SEMA6D: variants seen among roughly 807,000 people sequenced by gnomAD.
SEMA6D encodes the protein semaphorin 6D, also known as semaphorin-6D.
Under a neutral mutation model 106.6 loss-of-function variants are expected in SEMA6D, and 35 were observed. The ratio of observed to expected loss-of-function variants is 0.33; its 90% CI spans 0.25 to 0.44. The LOEUF (loss-of-function observed/expected upper bound fraction) is 0.44. Ranked by LOEUF, SEMA6D falls within the 20% of genes least tolerant of loss-of-function variation. The pLI, the probability that SEMA6D is intolerant of heterozygous loss-of-function variation, is 1.00. For synonymous variants in SEMA6D, 499 were observed against 487.7 expected (o/e 1.02, Z -0.31); for missense variants, 1,185 against 1,345.9 (o/e 0.88, Z 1.87).
intron 1 of SEMA6D, chr15:47,399,577 A>G (rs144106736): frequency 6.6e-6 from 1 of 152,374 alleles, no homozygotes; most frequent in East Asian, 1.9e-4. Context: ...GTGGCTTAAG[A>G]ATATGACCTT....
chr15:47,390,591 G>C (rs1052978560), intron 1 of SEMA6D, among the ~76,000 whole-genome samples: 1 of 140,338 alleles, frequency 7.1e-6, no homozygotes, highest in African/African-American at 2.9e-5. Context: ...TTTGTTTTCA[G>C]TTCTTCAAAC....
intron 1 of SEMA6D, among the ~76,000 whole-genome samples, chr15:47,366,045 A>G (rs916379277): frequency 1.1e-4 from 17 of 152,352 alleles, no homozygotes; most frequent in Non-Finnish European, 2.1e-4. Context: ...TGGGTCAGTT[A>G]TGAACTGACC....
chr15:47,354,801 C>G (rs587939), intron 1 of SEMA6D, among the ~76,000 whole-genome samples: 79,094 of 151,696 alleles, frequency 0.52, 23,938 homozygotes, highest in African/African-American at 0.85. Context: ...TCCACACTGT[C>G]TCTCCATTGC....
intron 2 of SEMA6D, among the ~76,000 whole-genome samples, chr15:47,437,387 G>T (rs943654918): frequency 7.9e-5 from 12 of 152,092 alleles, no homozygotes; most frequent in African/African-American, 2.9e-4. Flanking sequence ...ACTGTTAAAT[G>T]AATGAATGTA....
At chr15:47,382,229 C>G (rs2039664064) in intron 1 of SEMA6D, among the ~76,000 whole-genome samples, 2 of 152,164 alleles carry the variant, frequency 1.3e-5, no homozygotes, top group South Asian at 4.1e-4. Flanking sequence ...GGGATCACTA[C>G]TGGGTGCGGT....
chr15:47,261,327 C>G (rs1478069354), intron 1 of SEMA6D, among the ~76,000 whole-genome samples: 1 of 152,154 alleles, frequency 6.6e-6, no homozygotes, highest in South Asian at 2.1e-4. Context: ...GTGAATATTA[C>G]TAAAAATTAT....
intron 1 of SEMA6D, among the ~76,000 whole-genome samples, chr15:47,756,206 T>G (rs2081722707): frequency 6.6e-6 from 1 of 152,208 alleles, no homozygotes; most frequent in Non-Finnish European, 1.5e-5. Flanking sequence ...GAAGATGGTT[T>G]CCTCTTTTTT....
At chr15:47,249,663 G>A (rs2033401638) in intron 1 of SEMA6D, among the ~76,000 whole-genome samples, 1 of 152,172 alleles carries the variant, frequency 6.6e-6, no homozygotes, top group East Asian at 1.9e-4. Context: ...GAAGGAACCA[G>A]AGAAAGGATG....
At chr15:47,617,968 T>C (rs1006204922) in intron 4 of SEMA6D, among the ~76,000 whole-genome samples, 16 of 152,244 alleles carry the variant, frequency 1.1e-4, no homozygotes, top group African/African-American at 3.9e-4. Context: ...ATTCCTTGTC[T>C]CTTCTCCCTT....
chr15:47,248,753 ATAGT>A (rs2033342917), intron 1 of SEMA6D, among the ~76,000 whole-genome samples: 1 of 152,294 alleles, frequency 6.6e-6, no homozygotes, highest in Admixed American at 6.5e-5. Flanking sequence ...TGACTCCCTA[ATAGT>A]TAGAGTTGAG....
chr15:47,598,803 G>A lies in SEMA6D; in HGVS notation c.-86-2062G>A, dbSNP rs531310130. Among the ~76,000 whole-genome samples, 5 of 152,218 alleles carry A rather than the reference G, an allele frequency of 3.3e-5. No individual in the cohort carries two copies. In the South Asian group the frequency reaches 1.0e-3, roughly 32 times the overall value. ...AATGCTTAAGGCAGATCAGATATCT[G>A]TGTGGAAACCATAAAGAAAAACAAT... On this transcript the variant is annotated intron_variant, in intron 3 of 19. Coordinates refer to the SEMA6D transcript ENST00000558014.
intron 1 of SEMA6D, among the ~76,000 whole-genome samples, chr15:47,331,676 T>C (rs1225761555): frequency 3.3e-5 from 5 of 152,194 alleles, no homozygotes; most frequent in African/African-American, 2.4e-5. Flanking sequence ...CAAGTGGTTT[T>C]TATTATCCTC....
intron 1 of SEMA6D, chr15:47,272,968 G>T (rs2034624800): frequency 6.6e-6 from 1 of 152,314 alleles, no homozygotes; most frequent in Middle Eastern, 3.4e-3. Flanking sequence ...TGTAATACCT[G>T]TAAGTTTGCA....
chr15:47,654,844 C>G (rs1360420704), intron 4 of SEMA6D, among the ~76,000 whole-genome samples: 2 of 152,216 alleles, frequency 1.3e-5, no homozygotes, highest in African/African-American at 4.8e-5. Context: ...CCATGCTTCC[C>G]ATAAAACCTG....
intron 3 of SEMA6D, among the ~76,000 whole-genome samples, chr15:47,517,533 G>T (rs1423824756): frequency 1.3e-5 from 2 of 152,054 alleles, no homozygotes; most frequent in Non-Finnish European, 2.9e-5. Context: ...GAAACAGACT[G>T]GGAACAAAAT....
chr15:47,530,521 A>G lies in SEMA6D; in HGVS notation c.-87+59976A>G, dbSNP rs550897788. On this transcript the variant is annotated intron_variant, in intron 3 of 19. Coordinates refer to the SEMA6D transcript ENST00000558014. ...TTTCTTCTCTTTTAACAAATCCTCT[A>G]TGATTATTTCTTTGACATAGTTTTT... 4.6e-5 allele frequency among the ~76,000 whole-genome samples: 7 copies of G among 152,354 alleles called. No homozygotes were observed. In the East Asian group the frequency reaches 9.6e-4, roughly 21 times the overall value.
At position 47,762,320 on chromosome 15, in the gene SEMA6D, G is replaced by A; in HGVS notation, c.658+1G>A. 2 of 1,613,118 alleles carry A rather than the reference G, an allele frequency of 1.2e-6. No individual in the cohort carries two copies. Among genetic ancestry groups the A allele is most frequent in the Non-Finnish European group, 1.7e-6 (2 of 1,179,442 alleles). On this transcript the variant is annotated splice_donor_variant, in intron 8 of 18. Transcript: ENST00000536845. LOFTEE classifies it high-confidence loss of function. ...AAATATGATTCCAAATGGATAAAAG[G>A]TACCTTTGAAGAGCAGTGTCGTGGG...
At chr15:47,487,003 T>C (rs760551541) in intron 3 of SEMA6D, among the ~76,000 whole-genome samples, 1 of 152,226 alleles carries the variant, frequency 6.6e-6, no homozygotes, top group African/African-American at 2.4e-5. Context: ...GTTTATACTG[T>C]CGTCTTTGCC....
At chr15:47,358,139 C>A (rs537367225) in intron 1 of SEMA6D, among the ~76,000 whole-genome samples, 2 of 152,270 alleles carry the variant, frequency 1.3e-5, no homozygotes, top group South Asian at 4.1e-4. Context: ...TGCTGTTCCC[C>A]AAACTCTTCA....
Sources: allele counts gnomAD v4.1 joint callset (sites outside exome capture counted in the v4.1 genomes callset), GRCh38; gene constraint gnomAD v4.1.1; transcripts MANE v1.5; gene names NCBI Gene and HGNC (gene_info 2026-07-23, HGNC 2026-07-21).